AP3B1: variants seen among roughly 807,000 people sequenced by gnomAD.
The protein encoded by AP3B1 is AP-3 complex subunit beta-1.
In AP3B1, 61 loss-of-function variants were observed where a neutral mutation model predicts 132.5. The observed-to-expected ratio is 0.46, with a 90% CI of 0.37 to 0.57. AP3B1 has a LOEUF of 0.57. Among genes scored for constraint, AP3B1 ranks in the 20% least tolerant of loss-of-function variants. The pLI is 0.00. For missense variants in AP3B1, 1,120 were observed against 1,289.4 expected (o/e 0.87, Z 2.01); for synonymous variants, 388 against 438.3 (o/e 0.89, Z 1.43).
At chr5:78,118,313 C>T (rs1198094722) in intron 17 of AP3B1, among the ~76,000 whole-genome samples, 1 of 152,176 alleles carries the variant, frequency 6.6e-6, no homozygotes, top group Non-Finnish European at 1.5e-5. Flanking sequence ...CCAGGTTCAT[C>T]TCACTAGAGA....
At chr5:78,184,745 C>G (rs1349387279) in intron 7 of AP3B1, among the ~76,000 whole-genome samples, 1 of 150,542 alleles carries the variant, frequency 6.6e-6, no homozygotes, top group Non-Finnish European at 1.5e-5. Context: ...ACCTAACATT[C>G]CTTTCATCTA....
At chr5:78,135,580 A>G (rs1219377084) in intron 15 of AP3B1, among the ~76,000 whole-genome samples, 1 of 152,142 alleles carries the variant, frequency 6.6e-6, no homozygotes, top group Non-Finnish European at 1.5e-5. Flanking sequence ...GCAAATGTGA[A>G]TATCAACTTA....
At chr5:78,077,528 C>T (rs1371172989) in intron 22 of AP3B1, among the ~76,000 whole-genome samples, 2 of 152,206 alleles carry the variant, frequency 1.3e-5, no homozygotes, top group Non-Finnish European at 2.9e-5. Flanking sequence ...ATCATTACTA[C>T]AATTTTCCCA....
intron 3 of AP3B1, among the ~76,000 whole-genome samples, chr5:78,229,575 C>CAAAAAAAA (rs70997973): frequency 0.21 from 28,334 of 132,864 alleles, 3,028 homozygotes; most frequent in Middle Eastern, 0.27. Context: ...TCTAGTAAAA[C>CAAAAAAAA]AAAAAAAAAA....
At chr5:78,097,013 G>A (rs1368923055) in intron 21 of AP3B1, among the ~76,000 whole-genome samples, 4 of 129,960 alleles carry the variant, frequency 3.1e-5, no homozygotes, top group African/African-American at 3.4e-5. Context: ...GAGGGAGGTG[G>A]GGGGGTCAGC....
chr5:78,193,942 T>C (rs972517404), intron 7 of AP3B1, among the ~76,000 whole-genome samples: 15 of 151,356 alleles, frequency 9.9e-5, no homozygotes, highest in Non-Finnish European at 2.1e-4. Context: ...TAATTTTTTG[T>C]ATTTTTAGTA....
At chr5:78,089,851 C>T (rs949019708) in intron 21 of AP3B1, among the ~76,000 whole-genome samples, 1 of 152,106 alleles carries the variant, frequency 6.6e-6, no homozygotes, top group African/African-American at 2.4e-5. Context: ...AGAATAACAA[C>T]CGCTTCCAAG....
chr5:78,234,624 T>G (rs1746794247), intron 3 of AP3B1, among the ~76,000 whole-genome samples: 1 of 152,212 alleles, frequency 6.6e-6, no homozygotes, highest in African/African-American at 2.4e-5. Context: ...TAATATGTAT[T>G]TAACTAAGTA....
At chr5:78,241,874 A>G (rs1747154162) in intron 2 of AP3B1, among the ~76,000 whole-genome samples, 1 of 152,152 alleles carries the variant, frequency 6.6e-6, no homozygotes, top group Admixed American at 6.5e-5. Context: ...TCCTATTTCC[A>G]CAGTTCTCCT....
intron 2 of AP3B1, among the ~76,000 whole-genome samples, chr5:78,253,833 G>C (rs1005455718): frequency 6.6e-6 from 1 of 151,788 alleles, no homozygotes; most frequent in South Asian, 2.1e-4. Context: ...CGGGCATGGT[G>C]GTGGGCACCT....
intron 8 of AP3B1, among the ~76,000 whole-genome samples, chr5:78,179,734 T>C (rs903337047): frequency 1.3e-5 from 2 of 152,154 alleles, no homozygotes; most frequent in Admixed American, 6.5e-5. Context: ...ATGTATTATG[T>C]TTCCTGAAAG....
chr5:78,259,693 T>C (rs1326046453), intron 2 of AP3B1, among the ~76,000 whole-genome samples: 1 of 151,894 alleles, frequency 6.6e-6, no homozygotes, highest in Non-Finnish European at 1.5e-5. Context: ...TATGGCCGGG[T>C]GCAGTGGCTC....
intron 7 of AP3B1, among the ~76,000 whole-genome samples, chr5:78,196,418 G>A (rs1004407902): frequency 2.6e-5 from 4 of 152,216 alleles, no homozygotes; most frequent in Non-Finnish European, 4.4e-5. Flanking sequence ...ATTCATTGCC[G>A]ATGGGAATGC....
At chr5:78,090,302 C>T (rs1196990288) in intron 21 of AP3B1, among the ~76,000 whole-genome samples, 3 of 152,216 alleles carry the variant, frequency 2.0e-5, no homozygotes, top group Admixed American at 2.0e-4. Flanking sequence ...GCATTTTAAA[C>T]TTTGCATAAT....
At chr5:78,214,453 AG>A (rs1261236633) in intron 7 of AP3B1, among the ~76,000 whole-genome samples, 3 of 152,220 alleles carry the variant, frequency 2.0e-5, no homozygotes, top group African/African-American at 7.2e-5. Flanking sequence ...AGGTATGGTA[AG>A]TACACTATAT....
chr5:78,249,323 C>T (rs1747527660), intron 2 of AP3B1, among the ~76,000 whole-genome samples: 1 of 152,132 alleles, frequency 6.6e-6, no homozygotes, highest in African/African-American at 2.4e-5. Flanking sequence ...CGAGATTGCA[C>T]AATGCACTCC....
chr5:78,190,561 C>G (rs1744785269), intron 7 of AP3B1, among the ~76,000 whole-genome samples: 1 of 152,154 alleles, frequency 6.6e-6, no homozygotes, highest in Non-Finnish European at 1.5e-5. Flanking sequence ...ACGTACACAG[C>G]ATATGGGTGT....
chr5:78,248,882 G>A (rs1747498617), intron 2 of AP3B1, among the ~76,000 whole-genome samples: 1 of 152,150 alleles, frequency 6.6e-6, no homozygotes. Context: ...TCTTCTGGCT[G>A]CCATGATTTC....
At chr5:78,198,799 A>G (rs1745172858) in intron 7 of AP3B1, among the ~76,000 whole-genome samples, 1 of 152,196 alleles carries the variant, frequency 6.6e-6, no homozygotes, top group African/African-American at 2.4e-5. Context: ...ATAATCACTC[A>G]GTCAAATTAG....
Sources: gnomAD v4.1 joint callset for allele counts (sites outside exome capture counted in the v4.1 genomes callset) on GRCh38, gnomAD v4.1.1 for gene constraint, MANE v1.5 for transcripts, NCBI Gene and HGNC (gene_info 2026-07-23, HGNC 2026-07-21) for gene names.